The following TPP2 variants were observed in gnomAD, a reference collection of about 807,000 sequenced individuals.
The protein encoded by TPP2 is tripeptidyl-peptidase 2.
Under a neutral mutation model 155.9 loss-of-function variants are expected in TPP2, and 34 were observed. That is an observed-to-expected ratio of 0.22 (90% CI 0.17 to 0.29). TPP2 has a LOEUF of 0.29. Among genes scored for constraint, TPP2 ranks in the 10% least tolerant of loss-of-function variants. The probability of loss-of-function intolerance (pLI) is 1.00; values close to 1 mark genes in which losing one functional copy is unlikely to be tolerated. For synonymous variants in TPP2, 510 were observed against 529.4 expected, an observed-to-expected ratio of 0.96 and a Z score of 0.50; for missense variants, 1,028 against 1,522.3, an observed-to-expected ratio of 0.68 and a Z score of 5.40.
At chr13:102,603,867 G>A (rs1480518558) in intron 1 of TPP2, among the ~76,000 whole-genome samples, 1 of 84,440 alleles carries the variant, frequency 1.2e-5, no homozygotes, top group Admixed American at 9.3e-5. Context: ...GGAAACTGAG[G>A]GACCACTTAG....
chr13:102,623,005 A>G lies in TPP2; in HGVS notation c.749A>G (p.Asp250Gly), dbSNP rs1426294982. 4 of 1,613,692 alleles carry G rather than the reference A, an allele frequency of 2.5e-6. No individual in the cohort carries two copies. Among genetic ancestry groups the G allele is most frequent in the Admixed American group, 1.7e-5 (1 of 59,894 alleles). Residue 250 changes from aspartate (D) to glycine (G), a missense_variant, in exon 6 of 30, where the codon GAT (aspartate) becomes GGT (glycine). By Grantham distance (94) the Asp-to-Gly change is moderately conservative. Transcript: ENST00000376052. The part of the protein sequence containing the change: ...EMLNYSVNIY[D>G]DGNLLSIVTS... ...TTGAATTACTCCGTTAATATATACG[A>G]TGATGGAAACCTGCTCTCCATTGTG...
At chr13:102,640,403 C>T (rs561311693) in intron 16 of TPP2, 27 bp downstream of exon 16, 14 of 1,548,202 alleles carry the variant, frequency 9.0e-6, no homozygotes, top group Admixed American at 5.0e-5. Flanking sequence ...TCTGTGTGAC[C>T]GCTTATCTCT....
At position 102,679,007 on chromosome 13, in the gene TPP2, A is replaced by G. The variant is rs1885469798; in HGVS notation, c.*691A>G. ...ACATGTGTAAGTGCCAGACAGCTGA[A>G]TCTTTATCAGGTATTGTAAAGATAC... On this transcript the variant is annotated 3_prime_UTR_variant, in exon 30 of 30. Transcript: ENST00000376052. The G allele has an allele frequency of 6.5e-6, 1 of 152,710 alleles. No individual in the cohort carries two copies. Among genetic ancestry groups the G allele is most frequent in the East Asian group, 1.9e-4 (1 of 5,188 alleles). 9.5% of individuals were successfully genotyped at this position (152,710 alleles called of 1,614,324 possible). A position where few individuals can be genotyped will look rare whatever the true frequency, so the allele number is the denominator to read the frequency against.
chr13:102,657,310 C>T, intron 25 of TPP2, 103 bp downstream of exon 25: 1 of 926,434 alleles, frequency 1.1e-6, no homozygotes, highest in Non-Finnish European at 1.4e-6. Flanking sequence ...AAATTATTAA[C>T]AGCAGTTGGT....
chr13:102,652,786 A>G (rs987653239), intron 24 of TPP2, among the ~76,000 whole-genome samples: 1 of 152,136 alleles, frequency 6.6e-6, no homozygotes. Flanking sequence ...GGGCCACGTA[A>G]TGGGATAAAA....
chr13:102,602,290 T>G (rs1193512759), intron 1 of TPP2, among the ~76,000 whole-genome samples: 1 of 152,216 alleles, frequency 6.6e-6, no homozygotes, highest in African/African-American at 2.4e-5. Flanking sequence ...TTTAATTATA[T>G]TTTTGAGACA....
At chr13:102,674,665 C>A (rs1445081370) in intron 28 of TPP2, among the ~76,000 whole-genome samples, 175 bp downstream of exon 28, 1 of 152,116 alleles carries the variant, frequency 6.6e-6, no homozygotes, top group Admixed American at 6.6e-5. Context: ...TTTTAAAAAA[C>A]ATTATTTTAT....
At chr13:102,662,024 CAGCTGATGAATGGA>C (rs1288224517) in intron 25 of TPP2, among the ~76,000 whole-genome samples, 1 of 152,186 alleles carries the variant, frequency 6.6e-6, no homozygotes, top group African/African-American at 2.4e-5. Flanking sequence ...GAATGTCCAT[CAGCTGATGAATGGA>C]CAAACAAAAT....
chr13:102,627,195 A>AGATTAAT, intron 7 of TPP2, 29 bp downstream of exon 7: 1 of 1,528,740 alleles, frequency 6.5e-7, no homozygotes, highest in Non-Finnish European at 8.8e-7. Flanking sequence ...TTGATTCAGA[A>AGATTAAT]GATTAATGAT....
intron 4 of TPP2, among the ~76,000 whole-genome samples, chr13:102,617,003 C>T (rs771715240): frequency 9.3e-5 from 14 of 149,910 alleles, no homozygotes; most frequent in South Asian, 4.2e-4. Flanking sequence ...CTCTGCCTTC[C>T]GGGTTCAAGC....
At chr13:102,605,716 A>G (rs1246805974) in intron 2 of TPP2, among the ~76,000 whole-genome samples, 9 of 146,998 alleles carry the variant, frequency 6.1e-5, no homozygotes, top group Admixed American at 6.1e-4. Flanking sequence ...TTTTTTTTAA[A>G]CTTCTTTTTT....
In TPP2 at chr13:102,627,018, A is replaced by G; in HGVS notation, c.791A>G (p.His264Arg). 1 of 1,570,378 alleles carries G rather than the reference A, an allele frequency of 6.4e-7. No individual in the cohort carries two copies. The highest frequency in any genetic ancestry group is 8.6e-7 in the Non-Finnish European group (1 of 1,161,030). The change falls in exon 7 of 30, where the codon CAT becomes CGT. Residue 264 changes from histidine (H) to arginine (R), a missense_variant. By Grantham distance (29) the His-to-Arg change is conservative (BLOSUM62 0). Transcript: ENST00000376052. ...CCCACCTTTGTGTCTCTAGGAGCTC[A>G]TGGGACACATGTAGCTAGTATAGCT... ...LLSIVTSGGA[H>R]GTHVASIAAG...
chr13:102,605,001 G>A, intron 2 of TPP2, 80 bp downstream of exon 2: 1 of 1,578,612 alleles, frequency 6.3e-7, no homozygotes, highest in Non-Finnish European at 8.6e-7. Context: ...CCTTACATTT[G>A]GTGGTGGTAT....
At chr13:102,616,528 A>G (rs1461532645) in intron 4 of TPP2, 28 bp downstream of exon 4, 3 of 1,575,510 alleles carry the variant, frequency 1.9e-6, no homozygotes, top group African/African-American at 1.4e-5. Flanking sequence ...TCATTTAAAC[A>G]TTACCCTAGA....
At chr13:102,631,387 G>A (rs148458427) in intron 10 of TPP2, 1 of 152,204 alleles carries the variant, frequency 6.6e-6, no homozygotes, top group African/African-American at 2.4e-5. Context: ...TTTGCTTTGC[G>A]CTGTCATTGT....
At position 102,679,808 on chromosome 13, in the gene TPP2, A is replaced by G. The variant is rs112552001; in HGVS notation, c.*1492A>G. 10 of 152,368 alleles carry G rather than the reference A, an allele frequency of 6.6e-5. No individual in the cohort carries two copies. Among genetic ancestry groups the G allele is most frequent in the South Asian group, 2.1e-4 (1 of 4,830 alleles). 9.4% of individuals were successfully genotyped at this position (152,368 alleles called of 1,614,324 possible). A position where few individuals can be genotyped will look rare whatever the true frequency, so the allele number is the denominator to read the frequency against. On this transcript the variant is annotated 3_prime_UTR_variant, in exon 30 of 30. Coordinates refer to ENST00000376052, the MANE Select transcript of TPP2 (RefSeq NM_001330588.2). ...CTTCCCAAGGTTATACGGCTGATCA[A>G]CTGTTGGAAATTAATTACAGACCTT...
chr13:102,647,254 A>G lies in TPP2; in HGVS notation c.2538A>G (p.Leu846=), dbSNP rs369000735. The change falls in exon 21 of 30, where the codon CTA becomes CTG. Residue 846 remains leucine, a synonymous_variant. Coordinates refer to ENST00000376052, the MANE Select transcript of TPP2 (RefSeq NM_001330588.2). ...CAAGCTGCCCACTACTTTGTGAACT[A>G]TTATATGAATCTGAATTTGACAGCC... ...VTPSCPLLCE[L]LYESEFDSQL... 4.1e-5 allele frequency: 66 copies of G among 1,613,858 alleles called. 1 individual carries two copies. Among genetic ancestry groups the G allele is most frequent in the East Asian group, 3.8e-4 (17 of 44,818 alleles).
At chr13:102,657,271 A>G (rs1883920817) in intron 25 of TPP2, 64 bp downstream of exon 25, 2 of 1,395,974 alleles carry the variant, frequency 1.4e-6, no homozygotes, top group African/African-American at 1.5e-5. Flanking sequence ...CTATAACAAT[A>G]TTGTGTATAT....
chr13:102,615,720 T>G (rs987901523), intron 3 of TPP2, among the ~76,000 whole-genome samples: 1 of 152,194 alleles, frequency 6.6e-6, no homozygotes, highest in Non-Finnish European at 1.5e-5. Flanking sequence ...CTGCGTACAC[T>G]AGGCTTATGG....
Sources: gnomAD v4.1 joint callset for allele counts (sites outside exome capture counted in the v4.1 genomes callset) on GRCh38, gnomAD v4.1.1 for gene constraint, MANE v1.5 for transcripts, NCBI Gene and HGNC (gene_info 2026-07-23, HGNC 2026-07-21) for gene names.